IGSF5: variants seen among roughly 807,000 people sequenced by gnomAD.
IGSF5 encodes the protein immunoglobulin superfamily 5 like.
A neutral mutation model predicts 39.4 loss-of-function variants in IGSF5; 41 were observed. The observed-to-expected ratio is 1.04, with a 90% CI of 0.81 to 1.35. IGSF5 has a LOEUF of 1.35. Ranked by LOEUF, IGSF5 falls within the 40% of genes most tolerant of loss-of-function variation. IGSF5 has a pLI of 0.00. For synonymous variants in IGSF5, 183 were observed against 175.3 expected (o/e 1.04, Z -0.34); for missense variants, 487 against 494.6 (o/e 0.98, Z 0.15).
At chr21:39,744,904 A>T (rs1456489365), upstream of IGSF5, among the ~76,000 whole-genome samples, 1 of 152,244 alleles carries the variant, frequency 6.6e-6, no homozygotes, top group Non-Finnish European at 1.5e-5. Context: ...CAGGAAGGCT[A>T]TGGGTTGTCA....
At chr21:39,721,182 T>A in the IGSF5 span, among the ~76,000 whole-genome samples, 4 of 152,218 alleles carry the variant, frequency 2.6e-5, no homozygotes, top group African/African-American at 9.6e-5. Context: ...GAAGTCAATG[T>A]TAAAGACAAA....
chr21:39,747,936 C>A (rs1442264887), intron 2 of IGSF5, among the ~76,000 whole-genome samples: 2 of 140,400 alleles, frequency 1.4e-5, no homozygotes, highest in African/African-American at 5.9e-5. Context: ...ATGAAAAACT[C>A]TGGCAAAAAA....
chr21:39,745,495 C>A lies in IGSF5; in HGVS notation c.-15C>A. ...GCTATACTTTCAAGAAAGTCGTGTT[C>A]GGGACCCAGGAGGTATGGGTCAGAA... On this transcript the variant is annotated 5_prime_UTR_variant, in exon 1 of 9. Coordinates refer to ENST00000380588, the MANE Select transcript of IGSF5 (RefSeq NM_001080444.2). The A allele has an allele frequency of 2.8e-6, 2 of 715,926 alleles. No individual in the cohort carries two copies. Among genetic ancestry groups the A allele is most frequent in the South Asian group, 1.5e-5 (1 of 67,554 alleles). The allele number at this position is 715,926 out of a possible 1,614,324, so 44.3% of individuals were successfully genotyped here. A position where few individuals can be genotyped will look rare whatever the true frequency, so the allele number is the denominator to read the frequency against.
the IGSF5 span, chr21:39,730,142 T>C: frequency 6.6e-6 from 1 of 152,372 alleles, no homozygotes; most frequent in African/African-American, 2.4e-5. Context: ...CCCTGCTTCT[T>C]CCTGCTTCTG....
chr21:39,768,266 G>GTC (rs3068553), intron 3 of IGSF5, among the ~76,000 whole-genome samples: 45,385 of 151,902 alleles, frequency 0.3, 8,407 homozygotes, highest in South Asian at 0.48. Context: ...GAGCAACAGG[G>GTC]TCTCCCTCAA....
intron 2 of IGSF5, among the ~76,000 whole-genome samples, chr21:39,754,873 A>G (rs1337195589): frequency 6.6e-6 from 1 of 152,132 alleles, no homozygotes; most frequent in Non-Finnish European, 1.5e-5. Context: ...TACACCCTTC[A>G]AATGCTATCC....
chr21:39,759,093 A>G (rs932117740), intron 2 of IGSF5, among the ~76,000 whole-genome samples: 16 of 49,434 alleles, frequency 3.2e-4, no homozygotes, highest in African/African-American at 9.7e-4. Flanking sequence ...CTTTACAAAC[A>G]TATCTACTCT....
At chr21:39,737,093 A>G in the IGSF5 span, among the ~76,000 whole-genome samples, 2 of 151,458 alleles carry the variant, frequency 1.3e-5, no homozygotes, top group East Asian at 1.9e-4. Flanking sequence ...TTCGGCTAAT[A>G]TGTTGTCTCC....
chr21:39,800,806 A>G (rs2087024440), intron 8 of IGSF5, among the ~76,000 whole-genome samples: 1 of 152,266 alleles, frequency 6.6e-6, no homozygotes, highest in Non-Finnish European at 1.5e-5. Flanking sequence ...GAATGAGAAC[A>G]GGGAAGACTA....
intron 5 of IGSF5, among the ~76,000 whole-genome samples, chr21:39,787,648 A>C (rs2086931462): frequency 1.3e-5 from 2 of 151,316 alleles, no homozygotes; most frequent in Non-Finnish European, 2.9e-5. Context: ...GAATTAAAGA[A>C]ATATGGTAAT....
chr21:39,728,774 T>G, the IGSF5 span, among the ~76,000 whole-genome samples: 1 of 152,166 alleles, frequency 6.6e-6, no homozygotes, highest in Admixed American at 6.5e-5. Flanking sequence ...CTTTTTTTGG[T>G]GATACAGTTA....
At chr21:39,782,816 A>C (rs1228374196) in intron 5 of IGSF5, among the ~76,000 whole-genome samples, 1 of 152,180 alleles carries the variant, frequency 6.6e-6, no homozygotes, top group Non-Finnish European at 1.5e-5. Context: ...CAGAACACTG[A>C]AACTTTTCCT....
chr21:39,749,684 G>A (rs908769977), intron 2 of IGSF5, among the ~76,000 whole-genome samples: 1 of 152,172 alleles, frequency 6.6e-6, no homozygotes, highest in Non-Finnish European at 1.5e-5. Context: ...ACATTGGTTT[G>A]GTCTGGAAAG....
the IGSF5 span, among the ~76,000 whole-genome samples, chr21:39,719,402 G>C: frequency 2.0e-5 from 3 of 152,002 alleles, no homozygotes; most frequent in Non-Finnish European, 4.4e-5. Context: ...TGTGCTCTCT[G>C]TGTGTTGAAA....
chr21:39,794,362 C>T (rs554711456), intron 8 of IGSF5, among the ~76,000 whole-genome samples: 1 of 152,140 alleles, frequency 6.6e-6, no homozygotes, highest in African/African-American at 2.4e-5. Context: ...ATTCACCAGT[C>T]TGCAGTTCCA....
At chr21:39,743,004 G>GCCTCCCTT (rs1352646125), upstream of IGSF5, among the ~76,000 whole-genome samples, 10 of 152,146 alleles carry the variant, frequency 6.6e-5, no homozygotes, top group African/African-American at 2.4e-4. Flanking sequence ...CTTCCTCAAT[G>GCCTCCCTT]CCTCCCTTAG....
intron 5 of IGSF5, among the ~76,000 whole-genome samples, chr21:39,780,689 C>T (rs1055890888): frequency 2.6e-5 from 4 of 152,168 alleles, no homozygotes; most frequent in East Asian, 3.8e-4. Context: ...ACTCCCACAT[C>T]GTATGAAAGC....
chr21:39,772,071 A>G (rs910776251), intron 4 of IGSF5, among the ~76,000 whole-genome samples: 4 of 152,214 alleles, frequency 2.6e-5, no homozygotes, highest in Non-Finnish European at 5.9e-5. Flanking sequence ...AGCCATAGCC[A>G]AAGCCAAATA....
chr21:39,796,434 A>C (rs1323640150), intron 8 of IGSF5, among the ~76,000 whole-genome samples: 13 of 152,220 alleles, frequency 8.5e-5, no homozygotes, highest in Admixed American at 3.3e-4. Flanking sequence ...AAAACAATGC[A>C]GTCGTGCCTT....
Sources: gnomAD v4.1 joint callset for allele counts (sites outside exome capture counted in the v4.1 genomes callset) on GRCh38, gnomAD v4.1.1 for gene constraint, MANE v1.5 for transcripts, NCBI Gene and HGNC (gene_info 2026-07-23, HGNC 2026-07-21) for gene names.